Variants in FIG4 observed in about 807,000 individuals in gnomAD.
FIG4 encodes the protein polyphosphoinositide phosphatase.
A neutral mutation model predicts 118.6 loss-of-function variants in FIG4; 112 were observed. The ratio of observed to expected loss-of-function variants is 0.94; its 90% CI spans 0.81 to 1.11. The LOEUF is 1.11. Ranked by LOEUF, FIG4 falls within the 50% of genes least tolerant of loss-of-function variation. The probability of loss-of-function intolerance (pLI) is 0.00; values close to 1 mark genes in which losing one functional copy is unlikely to be tolerated. For missense variants in FIG4, 969 were observed against 1,111.7 expected, an observed-to-expected ratio of 0.87 and a Z score of 1.83; for synonymous variants, 369 against 381.2, an observed-to-expected ratio of 0.97 and a Z score of 0.37.
At chr6:109,773,952 G>T (rs1583714081) in intron 15 of FIG4, among the ~76,000 whole-genome samples, 2 of 152,050 alleles carry the variant, frequency 1.3e-5, no homozygotes, top group East Asian at 1.9e-4. Context: ...GGGACTATAG[G>T]CGTGTGCCAC....
At chr6:109,721,858 AT>A (rs1228916924) in intron 3 of FIG4, among the ~76,000 whole-genome samples, 2 of 152,192 alleles carry the variant, frequency 1.3e-5, no homozygotes, top group African/African-American at 4.8e-5. Flanking sequence ...ACTTTCCCTT[AT>A]ACAAATTATG....
rs375691683 is a variant in FIG4 at position 109,715,112 on chromosome 6, C to T, written c.101C>T (p.Thr34Met). 180 of 1,603,670 alleles carry T rather than the reference C, an allele frequency of 1.1e-4. No homozygotes were observed. The highest frequency in any genetic ancestry group is 1.4e-4 in the Non-Finnish European group (162 of 1,171,332). Reference sequence around the variant, plus strand: ...CTAGTTGGGAGCAATAATGCAGAAACGAAATATCGTGTCTTGAAGATTGAT... The same window carrying T: ...CTAGTTGGGAGCAATAATGCAGAAATGAAATATCGTGTCTTGAAGATTGAT... The part of the protein sequence containing the change: ...YFLVGSNNAE[T>M]KYRVLKIDRT... The change falls in exon 2 of 23, where the codon ACG (threonine) becomes ATG (methionine). Residue 34 changes from threonine to methionine, a missense_variant. Transcript: ENST00000230124.
chr6:109,749,588 T>TAGTAAAATAAAATAAAATAA (rs1554302299), intron 10 of FIG4, among the ~76,000 whole-genome samples: 1 of 141,764 alleles, frequency 7.1e-6, no homozygotes, highest in African/African-American at 2.6e-5. Context: ...CCTGCCTCAA[T>TAGTAAAATAAAATAAAATAA]AATAAAATAA....
At position 109,716,481 on chromosome 6, in the gene FIG4, G is replaced by A. The variant is rs745860370; in HGVS notation, c.202G>A (p.Gly68Ser). 1.2e-6 allele frequency: 2 copies of A among 1,613,668 alleles called. No individual in the cohort carries two copies. The highest frequency in any genetic ancestry group is 1.7e-6 in the Non-Finnish European group (2 of 1,179,772). ...TCAACAAGAAGTAAGGGAACTTCTT[G>A]GCCGCTTGGATCTTGGAAATAGAAC... ...YTQQEVRELL[G>S]RLDLGNRTKM... Residue 68 changes from glycine to serine, a missense_variant, in exon 3 of 23, where the codon GGC becomes AGC. Transcript: ENST00000230124.
chr6:109,697,585 A>C (rs1419885902), intron 1 of FIG4, among the ~76,000 whole-genome samples: 1 of 152,162 alleles, frequency 6.6e-6, no homozygotes, highest in African/African-American at 2.4e-5. Context: ...ACAAGGAGGA[A>C]ACTGCAATGT....
intron 1 of FIG4, among the ~76,000 whole-genome samples, chr6:109,713,392 G>T (rs544461806): frequency 6.6e-6 from 1 of 152,196 alleles, no homozygotes; most frequent in Admixed American, 6.5e-5. Context: ...GCACTGGTAG[G>T]TGCAGGTCTA....
At chr6:109,748,197 A>G (rs1776565635) in intron 10 of FIG4, among the ~76,000 whole-genome samples, 1 of 152,136 alleles carries the variant, frequency 6.6e-6, no homozygotes, top group Non-Finnish European at 1.5e-5. Context: ...GATTTCTTAA[A>G]TGGAACCATT....
intron 15 of FIG4, among the ~76,000 whole-genome samples, chr6:109,769,801 C>G (rs765572732): frequency 9.9e-5 from 15 of 152,118 alleles, no homozygotes; most frequent in Non-Finnish European, 1.8e-4. Context: ...CACCTGTAGT[C>G]CCAGCTATGT....
intron 22 of FIG4, among the ~76,000 whole-genome samples, chr6:109,818,670 G>C (rs913110195): frequency 6.6e-6 from 1 of 152,064 alleles, no homozygotes; most frequent in Non-Finnish European, 1.5e-5. Flanking sequence ...GCGTCCATTG[G>C]GGGTCTTGGA....
At chr6:109,708,882 T>C (rs1422971105) in intron 1 of FIG4, among the ~76,000 whole-genome samples, 4 of 152,202 alleles carry the variant, frequency 2.6e-5, no homozygotes, top group Admixed American at 6.5e-5. Flanking sequence ...AGATGTATCG[T>C]TAGTAAAAAT....
At chr6:109,772,765 T>C (rs1352662635) in intron 15 of FIG4, among the ~76,000 whole-genome samples, 1 of 152,226 alleles carries the variant, frequency 6.6e-6, no homozygotes, top group Admixed American at 6.5e-5. Context: ...TGAATTAGTT[T>C]TTTATCATTG....
chr6:109,774,825 G>A (rs1339557086), intron 15 of FIG4, among the ~76,000 whole-genome samples: 1 of 152,094 alleles, frequency 6.6e-6, no homozygotes, highest in African/African-American at 2.4e-5. Flanking sequence ...ATGTGAGGTA[G>A]GGGTCTAACA....
At chr6:109,744,803 C>A (rs183834346) in intron 10 of FIG4, among the ~76,000 whole-genome samples, 4 of 151,504 alleles carry the variant, frequency 2.6e-5, no homozygotes, top group East Asian at 1.9e-4. Context: ...CCCCCACCCC[C>A]CAACAGGCCC....
intron 22 of FIG4, among the ~76,000 whole-genome samples, chr6:109,802,432 A>G (rs905329841): frequency 6.6e-6 from 1 of 152,252 alleles, no homozygotes; most frequent in African/African-American, 2.4e-5. Flanking sequence ...TAGTAGGCCT[A>G]TGCAGTGAAA....
At chr6:109,751,796 C>T (rs1776707659) in intron 10 of FIG4, among the ~76,000 whole-genome samples, 1 of 83,782 alleles carries the variant, frequency 1.2e-5, no homozygotes, top group Non-Finnish European at 2.3e-5. Context: ...CTATTTGATT[C>T]TTCTCTCTTT....
intron 22 of FIG4, among the ~76,000 whole-genome samples, chr6:109,819,695 C>T (rs937630434): frequency 6.6e-6 from 1 of 152,154 alleles, no homozygotes; most frequent in Non-Finnish European, 1.5e-5. Flanking sequence ...TCTCGAACTC[C>T]TGACCTCAGG....
At chr6:109,788,490 G>A (rs1361933849) in intron 18 of FIG4, among the ~76,000 whole-genome samples, 1 of 152,212 alleles carries the variant, frequency 6.6e-6, no homozygotes, top group Non-Finnish European at 1.5e-5. Context: ...AAGAAGCGGA[G>A]TACCCCTTGT....
intron 4 of FIG4, among the ~76,000 whole-genome samples, chr6:109,731,683 G>C (rs181865038): frequency 2.3e-4 from 35 of 152,292 alleles, no homozygotes; most frequent in African/African-American, 7.9e-4. Flanking sequence ...GGAGGTAATT[G>C]AGAGTGTACA....
chr6:109,762,130 A>G lies in FIG4; in HGVS notation c.1311A>G (p.Ala437=), dbSNP rs975852317. Residue 437 remains alanine, a synonymous_variant, in exon 12 of 23, where the codon GCA becomes GCG. Transcript: ENST00000230124. The part of the protein sequence containing the change: ...CNVLDRLNVI[A]ESVVKKTGFF... Reference sequence around the variant, plus strand: ...TTCTTGATCGACTAAATGTGATTGCAGAAAGTGTGGTGAAGAAAACAGGTT... The same window carrying G: ...TTCTTGATCGACTAAATGTGATTGCGGAAAGTGTGGTGAAGAAAACAGGTT... 6.2e-7 allele frequency: 1 copy of G among 1,613,660 alleles called. No individual in the cohort carries two copies.
Sources: gnomAD v4.1 joint callset for allele counts (sites outside exome capture counted in the v4.1 genomes callset) on GRCh38, gnomAD v4.1.1 for gene constraint, MANE v1.5 for transcripts, NCBI Gene and HGNC (gene_info 2026-07-23, HGNC 2026-07-21) for gene names.